The following RELN variants were observed in gnomAD, a reference collection of about 807,000 sequenced individuals.
The protein encoded by RELN is reelin.
Under a neutral mutation model 427.6 loss-of-function variants are expected in RELN, and 108 were observed. That is an observed-to-expected ratio of 0.25 (90% CI 0.22 to 0.30). The LOEUF is 0.30. Among genes scored for constraint, RELN ranks in the 10% least tolerant of loss-of-function variants. The pLI is 1.00. For missense variants in RELN, 3,715 were observed against 4,302.8 expected (o/e 0.86, Z 3.82); for synonymous variants, 1,524 against 1,513.4 (o/e 1.01, Z -0.16).
intron 3 of RELN, among the ~76,000 whole-genome samples, chr7:103,821,327 A>T (rs1464473393): frequency 6.6e-6 from 1 of 152,152 alleles, no homozygotes; most frequent in Non-Finnish European, 1.5e-5. Flanking sequence ...CCATAATTAA[A>T]GTAATCTCTT....
intron 31 of RELN, among the ~76,000 whole-genome samples, chr7:103,568,005 C>A (rs551752687): frequency 1.1e-3 from 167 of 152,214 alleles, no homozygotes; most frequent in South Asian, 2.3e-3. Context: ...CCATGTTGCT[C>A]AGGCTGGTCT....
At chr7:103,488,896 T>C (rs1828541641) in intron 60 of RELN, among the ~76,000 whole-genome samples, 1 of 152,226 alleles carries the variant, frequency 6.6e-6, no homozygotes, top group Non-Finnish European at 1.5e-5. Flanking sequence ...GTGTATACTA[T>C]GTAAATAGTA....
intron 6 of RELN, among the ~76,000 whole-genome samples, chr7:103,731,256 T>C (rs1446052847): frequency 6.6e-6 from 1 of 152,154 alleles, no homozygotes; most frequent in East Asian, 1.9e-4. Flanking sequence ...GGAAGAAAGA[T>C]GAGTGTGTGA....
At chr7:103,945,104 A>G (rs943277946) in intron 1 of RELN, among the ~76,000 whole-genome samples, 2 of 152,206 alleles carry the variant, frequency 1.3e-5, no homozygotes, top group East Asian at 3.9e-4. Context: ...AACAACTCAC[A>G]CAAAGAGAAG....
At chr7:103,846,626 C>A (rs911086451) in intron 2 of RELN, among the ~76,000 whole-genome samples, 5 of 152,180 alleles carry the variant, frequency 3.3e-5, no homozygotes, top group Non-Finnish European at 7.3e-5. Flanking sequence ...AAACTATCAT[C>A]AGAGTGAACA....
At chr7:103,591,825 A>C (rs1285332410) in intron 27 of RELN, among the ~76,000 whole-genome samples, 1 of 152,164 alleles carries the variant, frequency 6.6e-6, no homozygotes, top group East Asian at 1.9e-4. Flanking sequence ...TTAAACATAA[A>C]ATTTATCTTA....
At chr7:103,561,054 G>A (rs1355248486) in intron 36 of RELN, among the ~76,000 whole-genome samples, 1 of 151,912 alleles carries the variant, frequency 6.6e-6, no homozygotes, top group African/African-American at 2.4e-5. Flanking sequence ...AGACATCTCG[G>A]TTGAAATACA....
intron 3 of RELN, among the ~76,000 whole-genome samples, chr7:103,786,357 A>G (rs1172697372): frequency 6.6e-6 from 1 of 151,840 alleles, no homozygotes; most frequent in Non-Finnish European, 1.5e-5. Flanking sequence ...TATGTTTAAT[A>G]TTTATTATAA....
intron 31 of RELN, among the ~76,000 whole-genome samples, chr7:103,570,323 G>T (rs1830853246): frequency 6.6e-6 from 1 of 152,066 alleles, no homozygotes; most frequent in Admixed American, 6.5e-5. Flanking sequence ...CACAAATAAG[G>T]GTATGGATTT....
chr7:103,561,456 C>T, intron 36 of RELN, 76 bp downstream of exon 36: 1 of 1,116,186 alleles, frequency 9.0e-7, no homozygotes, highest in Non-Finnish European at 1.4e-6. Flanking sequence ...TTCAGAAATC[C>T]ATTTGTGTTG....
At chr7:103,622,595 G>A (rs1832245104) in intron 20 of RELN, among the ~76,000 whole-genome samples, 1 of 152,044 alleles carries the variant, frequency 6.6e-6, no homozygotes, top group African/African-American at 2.4e-5. Context: ...TAGTTTCTTG[G>A]CTGCCTCAGG....
chr7:103,835,070 T>C (rs1793366112), intron 2 of RELN, among the ~76,000 whole-genome samples: 1 of 152,214 alleles, frequency 6.6e-6, no homozygotes, highest in South Asian at 2.1e-4. Flanking sequence ...AGTTGGTGAA[T>C]GGATAATGTG....
At chr7:103,817,499 C>G (rs1160425879) in intron 3 of RELN, among the ~76,000 whole-genome samples, 1 of 152,150 alleles carries the variant, frequency 6.6e-6, no homozygotes, top group Non-Finnish European at 1.5e-5. Context: ...ACTTTAAAGG[C>G]TCTCCTAAAT....
At chr7:103,891,900 C>T (rs981832435) in intron 2 of RELN, among the ~76,000 whole-genome samples, 2 of 152,060 alleles carry the variant, frequency 1.3e-5, no homozygotes, top group African/African-American at 4.8e-5. Flanking sequence ...GCATTCTAGA[C>T]ACGCTTTCTT....
chr7:103,515,113 C>G (rs1318023493), intron 50 of RELN, 72 bp downstream of exon 50: 17 of 1,602,996 alleles, frequency 1.1e-5, no homozygotes, highest in Admixed American at 1.7e-5. Flanking sequence ...ATATTTTGCT[C>G]TTTTGAAAAG....
At position 103,728,101 on chromosome 7, in the gene RELN, A is replaced by C. The variant is rs1333490283; in HGVS notation, c.753+10T>G. 1 of 1,612,786 alleles carries C rather than the reference A, an allele frequency of 6.2e-7. No homozygotes were observed. Among genetic ancestry groups the C allele is most frequent in the Admixed American group, 1.7e-5 (1 of 59,884 alleles). On this transcript the variant is annotated intron_variant, in intron 7 of 64. Transcript: ENST00000428762. ...TAATGGAATAATGTACATGAATAGC[A>C]CATACTTACCAGTTCTCGTGGGCCA...
chr7:103,737,968 A>G (rs765601158), intron 6 of RELN, among the ~76,000 whole-genome samples: 2 of 151,852 alleles, frequency 1.3e-5, no homozygotes, highest in African/African-American at 2.4e-5. Context: ...GATGTTTCAC[A>G]TCTCTGTTGG....
intron 20 of RELN, among the ~76,000 whole-genome samples, chr7:103,616,209 A>G (rs951188870): frequency 1.3e-5 from 2 of 152,160 alleles, no homozygotes; most frequent in African/African-American, 4.8e-5. Flanking sequence ...GGTCCCACAG[A>G]AAAAACAGCT....
chr7:103,949,037 A>C (rs1367826995), intron 1 of RELN, among the ~76,000 whole-genome samples: 2 of 150,478 alleles, frequency 1.3e-5, no homozygotes, highest in African/African-American at 2.4e-5. Context: ...AAAAAAAAAA[A>C]AAAAAAAAAA....
Sources: gnomAD v4.1 joint callset for allele counts (sites outside exome capture counted in the v4.1 genomes callset) on GRCh38, gnomAD v4.1.1 for gene constraint, MANE v1.5 for transcripts, NCBI Gene and HGNC (gene_info 2026-07-23, HGNC 2026-07-21) for gene names.